WDR7: variants seen among roughly 807,000 people sequenced by gnomAD.
WDR7 encodes the protein WD repeat domain 7, also known as WD repeat-containing protein 7.
WDR7 carries 46 observed loss-of-function variants against 169.4 expected under a neutral mutation model. The ratio of observed to expected loss-of-function variants is 0.27; its 90% CI spans 0.21 to 0.35. The LOEUF is 0.35. Among genes scored for constraint, WDR7 ranks in the 10% least tolerant of loss-of-function variants. WDR7 has a pLI of 1.00. For synonymous variants in WDR7, 612 were observed against 666.8 expected, an observed-to-expected ratio of 0.92 and a Z score of 1.27; for missense variants, 1,534 against 1,859.3, an observed-to-expected ratio of 0.83 and a Z score of 3.22.
chr18:57,027,062 G>A lies in WDR7; in HGVS notation c.4328G>A (p.Cys1443Tyr), dbSNP rs1436790591. Residue 1443 changes from cysteine (C) to tyrosine (Y), a missense_variant, in exon 28 of 28, where the codon TGC becomes TAC. By Grantham distance (194) the Cys-to-Tyr change is radical (BLOSUM62 -2). Transcript: ENST00000254442. ...GMLNSAPQLR[C>Y]IKTYQVPPVQ... ...CTGAACTCGGCACCTCAGCTGCGCT[G>A]CATTAAAACCTACCAGGTGCCCCCT... The A allele has an allele frequency of 1.2e-6, 2 of 1,614,148 alleles. No homozygotes were observed. The highest frequency in any genetic ancestry group is 1.1e-5 in the South Asian group (1 of 91,088).
intron 26 of WDR7, among the ~76,000 whole-genome samples, chr18:57,012,838 G>A (rs186196366): frequency 1.5e-3 from 229 of 152,250 alleles, no homozygotes; most frequent in Non-Finnish European, 1.5e-3. Context: ...ACCCAAACAA[G>A]TTATCGCACC....
chr18:56,864,603 A>G (rs1165305153), intron 20 of WDR7, among the ~76,000 whole-genome samples: 1 of 151,852 alleles, frequency 6.6e-6, no homozygotes. Flanking sequence ...AATAAAGATC[A>G]TTCTGTGTTA....
intron 19 of WDR7, among the ~76,000 whole-genome samples, chr18:56,798,201 T>G (rs1459731981): frequency 6.6e-6 from 1 of 152,194 alleles, no homozygotes; most frequent in East Asian, 1.9e-4. Flanking sequence ...AGAAAGCACA[T>G]CAATCTGCTT....
At chr18:57,000,826 A>T (rs777018081) in intron 26 of WDR7, among the ~76,000 whole-genome samples, 1 of 152,138 alleles carries the variant, frequency 6.6e-6, no homozygotes, top group East Asian at 1.9e-4. Context: ...TCTTTAGCGT[A>T]TAGAGGTTTA....
chr18:56,756,886 G>A lies in WDR7; in HGVS notation c.2293G>A (p.Asp765Asn). Residue 765 changes from aspartate to asparagine, a missense_variant, in exon 15 of 28, where the codon GAT (aspartate) becomes AAT (asparagine). Coordinates refer to ENST00000254442, the MANE Select transcript of WDR7 (RefSeq NM_015285.3). ...KEHLLDDEEEDEEIMRQRREE... is the reference protein window; with the variant it reads ...KEHLLDDEEENEEIMRQRREE... ...ACACCTCCTTGATGATGAAGAGGAG[G>A]ATGAGGAGATAATGAGGCAGAGAAG... 6.2e-7 allele frequency: 1 copy of A among 1,614,072 alleles called. No homozygotes were observed. The highest frequency in any genetic ancestry group is 8.5e-7 in the Non-Finnish European group (1 of 1,180,008).
intron 16 of WDR7, among the ~76,000 whole-genome samples, chr18:56,769,995 T>G (rs1406111013): frequency 6.6e-6 from 1 of 152,110 alleles, no homozygotes; most frequent in Non-Finnish European, 1.5e-5. Flanking sequence ...TTTTTCTGCT[T>G]TGTTTAGTGA....
intron 17 of WDR7, 85 bp downstream of exon 17, chr18:56,776,965 A>G (rs1201756208): frequency 9.5e-6 from 12 of 1,257,474 alleles, no homozygotes; most frequent in Non-Finnish European, 1.4e-5. Context: ...TTACACATTC[A>G]TCTGCTTTGT....
intron 27 of WDR7, among the ~76,000 whole-genome samples, chr18:57,025,545 G>T (rs1219674566): frequency 6.6e-6 from 1 of 152,226 alleles, no homozygotes; most frequent in Non-Finnish European, 1.5e-5. Flanking sequence ...TTAACAGAAA[G>T]AGTTAACAAT....
At position 57,028,196 on chromosome 18, in the gene WDR7, G is replaced by C. The variant is rs932954987; in HGVS notation, c.*989G>C. 5 of 152,098 alleles carry C rather than the reference G, an allele frequency of 3.3e-5. No individual in the cohort carries two copies. The highest frequency in any genetic ancestry group is 1.2e-4 in the African/African-American group (5 of 41,430). 9.4% of individuals were successfully genotyped at this position (152,098 alleles called of 1,614,324 possible). ...ATAATTCAGCCTTCAAACTACTACT[G>C]ATCAACTAAAGGAAAGCTAATAAGG... is the stretch of plus-strand genomic sequence containing the variant. On this transcript the variant is annotated 3_prime_UTR_variant, in exon 28 of 28. Coordinates refer to ENST00000254442, the MANE Select transcript of WDR7 (RefSeq NM_015285.3).
At chr18:56,738,761 C>CT (rs897819569) in intron 14 of WDR7, among the ~76,000 whole-genome samples, 8 of 132,086 alleles carry the variant, frequency 6.1e-5, no homozygotes, top group African/African-American at 2.0e-4. Flanking sequence ...TTTGTGGATT[C>CT]TCTGAAATGT....
intron 21 of WDR7, among the ~76,000 whole-genome samples, chr18:56,880,715 G>A (rs1266539172): frequency 6.6e-6 from 1 of 152,152 alleles, no homozygotes; most frequent in Non-Finnish European, 1.5e-5. Context: ...AATTAACCCT[G>A]TAATTTAAAA....
At chr18:56,973,334 C>T (rs1003298293) in intron 26 of WDR7, among the ~76,000 whole-genome samples, 4 of 152,120 alleles carry the variant, frequency 2.6e-5, no homozygotes, top group Non-Finnish European at 4.4e-5. Flanking sequence ...ATTTCAACAT[C>T]CTTGCAAAAG....
chr18:57,030,673 C>T (rs1599261586), downstream of WDR7: 1 of 152,072 alleles, frequency 6.6e-6, no homozygotes, highest in African/African-American at 2.4e-5. Context: ...ATACTTCCAC[C>T]CTCTAACTAG....
chr18:56,978,628 C>T (rs184644243), intron 26 of WDR7, among the ~76,000 whole-genome samples: 5 of 152,278 alleles, frequency 3.3e-5, no homozygotes, highest in East Asian at 1.9e-4. Context: ...GTGTTTAGTT[C>T]TCCATGGATG....
At chr18:56,946,140 C>A (rs1599181255) in intron 25 of WDR7, among the ~76,000 whole-genome samples, 1 of 152,198 alleles carries the variant, frequency 6.6e-6, no homozygotes, top group East Asian at 1.9e-4. Context: ...ATTTATTCCT[C>A]AGAGTATTCT....
Position 56,663,594 on chromosome 18 carries a change from AAC to A in WDR7, c.-19-8897_-19-8896del, listed in dbSNP as rs200197507. 4.5e-3 allele frequency among the ~76,000 whole-genome samples: 681 copies of A among 151,962 alleles called. 5 individuals are homozygous for A. Among genetic ancestry groups the A allele is most frequent in the East Asian group, 0.037 (189 of 5,160 alleles). On this transcript the variant is annotated intron_variant, in intron 1 of 27. Coordinates refer to ENST00000254442, the MANE Select transcript of WDR7 (RefSeq NM_015285.3). The stretch of plus-strand genomic sequence containing the variant: ...CATATAGATGCACAGACTTTTTAAA[AAC>A]ACACATATATGCACAGCATATATAC...
At chr18:56,859,801 C>G (rs1421859156) in intron 20 of WDR7, among the ~76,000 whole-genome samples, 1 of 151,978 alleles carries the variant, frequency 6.6e-6, no homozygotes, top group Non-Finnish European at 1.5e-5. Context: ...GAAGAATATC[C>G]CTTCTTCATA....
chr18:56,744,519 T>TG (rs1227430647), intron 14 of WDR7, among the ~76,000 whole-genome samples: 3 of 151,926 alleles, frequency 2.0e-5, no homozygotes, highest in Non-Finnish European at 2.9e-5. Flanking sequence ...TAAAAGGGAA[T>TG]GGAGGGTGGT....
chr18:56,843,780 T>C (rs1232625642), intron 20 of WDR7, among the ~76,000 whole-genome samples: 1 of 152,170 alleles, frequency 6.6e-6, no homozygotes, highest in African/African-American at 2.4e-5. Flanking sequence ...TGTACCATTT[T>C]ACATTCCTAC....
Sources: allele counts gnomAD v4.1 joint callset (sites outside exome capture counted in the v4.1 genomes callset), GRCh38; gene constraint gnomAD v4.1.1; transcripts MANE v1.5; gene names NCBI Gene and HGNC (gene_info 2026-07-23, HGNC 2026-07-21).